Variants in RRAS2 observed in about 807,000 individuals in gnomAD.
RRAS2 encodes RAS related 2.
In RRAS2, 7 loss-of-function variants were observed where a neutral mutation model predicts 27.6. The observed-to-expected ratio is 0.25, with a 90% CI of 0.14 to 0.48. The LOEUF is 0.48. Ranked by LOEUF, RRAS2 falls within the 20% of genes least tolerant of loss-of-function variation. The pLI, the probability that RRAS2 is intolerant of heterozygous loss-of-function variation, is 0.99. For synonymous variants in RRAS2, 86 were observed against 90.9 expected, an observed-to-expected ratio of 0.95 and a Z score of 0.31; for missense variants, 178 against 256.2, an observed-to-expected ratio of 0.69 and a Z score of 2.08.
intron 3 of RRAS2, 75 bp downstream of exon 3, chr11:14,294,685 A>G (rs1424598986): frequency 6.6e-7 from 1 of 1,525,600 alleles, no homozygotes. Flanking sequence ...TTCTATAAAA[A>G]CAAAAAGTCC....
At chr11:14,321,198 C>T (rs1848216414) in intron 1 of RRAS2, among the ~76,000 whole-genome samples, 1 of 151,538 alleles carries the variant, frequency 6.6e-6, no homozygotes. Flanking sequence ...AAAAAGATTG[C>T]AAATAAGTAA....
intron 1 of RRAS2, among the ~76,000 whole-genome samples, chr11:14,302,040 C>T (rs1302788971): frequency 6.9e-6 from 1 of 143,938 alleles, no homozygotes; most frequent in African/African-American, 2.5e-5. Flanking sequence ...CCCTTATTGG[C>T]CTATAAAACA....
chr11:14,357,340 T>TTAG (rs1849103340), intron 1 of RRAS2, among the ~76,000 whole-genome samples: 1 of 151,430 alleles, frequency 6.6e-6, no homozygotes, highest in Admixed American at 6.6e-5. Flanking sequence ...CCCCAAAGGG[T>TTAG]TAGCTATAAA....
intron 1 of RRAS2, among the ~76,000 whole-genome samples, chr11:14,301,839 C>T (rs769397090): frequency 1.3e-5 from 2 of 151,868 alleles, no homozygotes; most frequent in Non-Finnish European, 2.9e-5. Flanking sequence ...ATTAGCTGGG[C>T]GTGATAGCGG....
intron 1 of RRAS2, among the ~76,000 whole-genome samples, chr11:14,347,405 A>G (rs1233543704): frequency 1.3e-5 from 2 of 152,234 alleles, no homozygotes; most frequent in Non-Finnish European, 2.9e-5. Flanking sequence ...GTAAATAAGG[A>G]CAAAAAATGT....
At chr11:14,325,329 T>G (rs1317248314) in intron 1 of RRAS2, among the ~76,000 whole-genome samples, 2 of 129,822 alleles carry the variant, frequency 1.5e-5, no homozygotes, top group Non-Finnish European at 3.4e-5. Flanking sequence ...TTTTTTTTTT[T>G]GAGACAGAGT....
upstream of RRAS2, among the ~76,000 whole-genome samples, chr11:14,361,418 C>A (rs1166928407): frequency 6.6e-6 from 1 of 152,134 alleles, no homozygotes; most frequent in Non-Finnish European, 1.5e-5. Context: ...ATTCCCTGCA[C>A]TTTGGGAGGC....
chr11:14,288,094 C>T (rs1849712513), intron 4 of RRAS2, among the ~76,000 whole-genome samples: 1 of 152,186 alleles, frequency 6.6e-6, no homozygotes, highest in Non-Finnish European at 1.5e-5. Flanking sequence ...GACCTTCCCA[C>T]ATCAGCCTCT....
At position 14,358,923 on chromosome 11, in the gene RRAS2, C is replaced by T. The variant is rs1240778060; in HGVS notation, c.-53G>A. Reference sequence around the variant, plus strand: ...GCGCCGAGCCGCCGCTGCCGCCCGCCCTAGGCCCGGCTCCGGGGACGTGTG... The same window carrying T: ...GCGCCGAGCCGCCGCTGCCGCCCGCTCTAGGCCCGGCTCCGGGGACGTGTG... On this transcript the variant is annotated 5_prime_UTR_variant, in exon 1 of 6. Transcript: ENST00000256196. This position sits in a 1 kb window ranked among gnomAD's most constrained non-coding sequence, Gnocchi z 5.1. 11 of 1,249,248 alleles carry T rather than the reference C, an allele frequency of 8.8e-6. No individual in the cohort carries two copies. In the Admixed American group the frequency reaches 3.3e-4, roughly 38 times the overall value. 77.4% of individuals were successfully genotyped at this position (1,249,248 alleles called of 1,614,324 possible). A position where few individuals can be genotyped will look rare whatever the true frequency, so the allele number is the denominator to read the frequency against.
upstream of RRAS2, among the ~76,000 whole-genome samples, chr11:14,361,297 A>G (rs1849188527): frequency 6.7e-6 from 1 of 149,042 alleles, no homozygotes; most frequent in Admixed American, 6.7e-5. Context: ...AGCCGTCTCA[A>G]AAAAAAAAAA....
At chr11:14,357,492 G>A (rs1554955612) in intron 1 of RRAS2, among the ~76,000 whole-genome samples, 1 of 152,094 alleles carries the variant, frequency 6.6e-6, no homozygotes, top group African/African-American at 2.4e-5. Context: ...CCACTAATAA[G>A]CATACTGTAA....
At chr11:14,329,351 T>G (rs1394420492) in intron 1 of RRAS2, among the ~76,000 whole-genome samples, 1 of 152,144 alleles carries the variant, frequency 6.6e-6, no homozygotes, top group Non-Finnish European at 1.5e-5. Flanking sequence ...TGACCTCAAG[T>G]GATCCACCCG....
intron 4 of RRAS2, among the ~76,000 whole-genome samples, chr11:14,282,630 A>AT (rs1487944479): frequency 1.3e-5 from 2 of 148,232 alleles, no homozygotes; most frequent in African/African-American, 5.0e-5. Flanking sequence ...TAAACACCTG[A>AT]TGAAAAATTA....
intron 1 of RRAS2, among the ~76,000 whole-genome samples, chr11:14,354,672 CTT>C (rs35556947): frequency 1.8e-5 from 2 of 110,434 alleles, no homozygotes; most frequent in Non-Finnish European, 1.7e-5. Context: ...GTAACAATTT[CTT>C]TTTTTTTTTT....
At chr11:14,307,751 A>T (rs1045678757) in intron 1 of RRAS2, among the ~76,000 whole-genome samples, 2 of 152,206 alleles carry the variant, frequency 1.3e-5, no homozygotes, top group Non-Finnish European at 2.9e-5. Flanking sequence ...TTATTTTTTT[A>T]AATTATAAAC....
intron 1 of RRAS2, among the ~76,000 whole-genome samples, chr11:14,302,534 G>C (rs1408650339): frequency 6.6e-6 from 1 of 152,150 alleles, no homozygotes; most frequent in Admixed American, 6.5e-5. Context: ...AAAAGGGCAA[G>C]AACAGCTAGT....
intron 1 of RRAS2, chr11:14,308,291 A>T (rs1554948398): frequency 8.8e-6 from 4 of 452,448 alleles, no homozygotes; most frequent in Non-Finnish European, 1.8e-5. Flanking sequence ...CATGAATGAA[A>T]GAAGGAACCC....
At chr11:14,293,136 T>C (rs1474893177) in intron 4 of RRAS2, among the ~76,000 whole-genome samples, 2 of 119,412 alleles carry the variant, frequency 1.7e-5, no homozygotes, top group Non-Finnish European at 3.3e-5. Flanking sequence ...TATATATATA[T>C]ATATATATAT....
At chr11:14,304,814 C>T (rs1554947870) in intron 1 of RRAS2, among the ~76,000 whole-genome samples, 1 of 152,190 alleles carries the variant, frequency 6.6e-6, no homozygotes. Context: ...GAGCTGGGCT[C>T]CTCCTTGTGT....
Sources: allele counts gnomAD v4.1 joint callset (sites outside exome capture counted in the v4.1 genomes callset), GRCh38; gene constraint gnomAD v4.1.1; non-coding constraint Gnocchi (gnomAD v3.1); transcripts MANE v1.5; gene names NCBI Gene and HGNC (gene_info 2026-07-23, HGNC 2026-07-21).